Variants in ZNF140 observed in about 807,000 individuals in gnomAD.
ZNF140 encodes zinc finger protein 140 (clone pHZ-39).
In ZNF140, 13 loss-of-function variants were observed where a neutral mutation model predicts 12.9. The ratio of observed to expected loss-of-function variants is 1.01; its 90% CI spans 0.66 to 1.60. The LOEUF is 1.60. ZNF140 is among the 40% of genes most tolerant of loss of function. ZNF140 has a pLI of 0.00. For synonymous variants in ZNF140, 214 were observed against 186.7 expected (o/e 1.15, Z -1.19); for missense variants, 531 against 548.8 (o/e 0.97, Z 0.32).
chr12:133,096,583 A>G (rs1955138031), intron 4 of ZNF140, among the ~76,000 whole-genome samples: 1 of 152,198 alleles, frequency 6.6e-6, no homozygotes, highest in South Asian at 2.1e-4. Flanking sequence ...TTGTATTTTC[A>G]TTTTCATTTA....
intron 4 of ZNF140, among the ~76,000 whole-genome samples, chr12:133,096,196 T>C (rs1266892595): frequency 3.3e-4 from 50 of 152,074 alleles, no homozygotes; most frequent in African/African-American, 1.1e-3. Context: ...CCTGGTTTAT[T>C]GAGACTAGAG....
At chr12:133,101,073 ACTT>A (rs1476782658) in intron 4 of ZNF140, 3 of 399,466 alleles carry the variant, frequency 7.5e-6, no homozygotes, top group African/African-American at 2.1e-5. Flanking sequence ...TTTTCCTTTG[ACTT>A]CTTTTTTCTT....
intron 4 of ZNF140, among the ~76,000 whole-genome samples, chr12:133,100,011 G>A (rs886814118): frequency 1.3e-5 from 2 of 151,018 alleles, no homozygotes; most frequent in Admixed American, 6.6e-5. Context: ...GAGAAGATCT[G>A]ATGTACGGTA....
chr12:133,097,697 A>G (rs938504655), intron 4 of ZNF140, among the ~76,000 whole-genome samples: 1 of 151,818 alleles, frequency 6.6e-6, no homozygotes, highest in Non-Finnish European at 1.5e-5. Context: ...CCCATTTCCC[A>G]GGATAGAGTG....
chr12:133,081,097 C>A (rs1229487415), intron 1 of ZNF140, 25 bp downstream of exon 1: 1 of 253,428 alleles, frequency 3.9e-6, no homozygotes, highest in Non-Finnish European at 8.1e-6. Flanking sequence ...GGGAGGCGCG[C>A]CGTGGCAGGA....
At position 133,083,520 on chromosome 12, in the gene ZNF140, C is replaced by G; in HGVS notation, c.191C>G (p.Pro64Arg). Residue 64 changes from proline to arginine, a missense_variant, in exon 4 of 5, where the codon CCC (proline) becomes CGC (arginine). Transcript: ENST00000355557. ...TCCTTATTGGAGCAAGGGAAAGAACCCTGGCTGGGGAAAAGGGAAGTGAAA... is the reference window on the plus strand; with the variant it reads ...TCCTTATTGGAGCAAGGGAAAGAACGCTGGCTGGGGAAAAGGGAAGTGAAA... ...VVSLLEQGKE[P>R]WLGKREVKRD... The G allele has an allele frequency of 6.2e-7, 1 of 1,613,814 alleles. No homozygotes were observed. Among genetic ancestry groups the G allele is most frequent in the Non-Finnish European group, 8.5e-7 (1 of 1,179,894 alleles).
intron 4 of ZNF140, among the ~76,000 whole-genome samples, chr12:133,089,214 T>C (rs1954774356): frequency 6.6e-6 from 1 of 152,020 alleles, no homozygotes; most frequent in Admixed American, 6.6e-5. Context: ...ATTATTCATT[T>C]GATTTTTTTT....
chr12:133,101,030 A>G, intron 4 of ZNF140: 1 of 451,520 alleles, frequency 2.2e-6, no homozygotes. Flanking sequence ...GACTACTGTA[A>G]TTCCCAGCCT....
chr12:133,106,406 A>G lies in ZNF140; in HGVS notation c.1129A>G (p.Lys377Glu). ...TWHASLIQHTKSHTGEKPYAC... is the reference protein window; with the variant it reads ...TWHASLIQHTESHTGEKPYAC... Reference sequence around the variant, plus strand: ...GCATGCATCCCTTATTCAACATACGAAGAGTCACACTGGAGAGAAACCCTA... The same window carrying G: ...GCATGCATCCCTTATTCAACATACGGAGAGTCACACTGGAGAGAAACCCTA... Residue 377 changes from lysine to glutamate, a missense_variant, in exon 5 of 5, where the codon AAG (lysine) becomes GAG (glutamate). By Grantham distance (56) the Lys-to-Glu change is moderately conservative (BLOSUM62 1). Coordinates refer to ENST00000355557, the MANE Select transcript of ZNF140 (RefSeq NM_003440.4). 1 of 1,614,200 alleles carries G rather than the reference A, an allele frequency of 6.2e-7. No homozygotes were observed. The highest frequency in any genetic ancestry group is 8.5e-7 in the Non-Finnish European group (1 of 1,180,028).
At chr12:133,083,865 C>T (rs1477337982) in intron 4 of ZNF140, among the ~76,000 whole-genome samples, 1 of 151,476 alleles carries the variant, frequency 6.6e-6, no homozygotes, top group Non-Finnish European at 1.5e-5. Context: ...GAGGCTGAGG[C>T]AGGAGCATGG....
chr12:133,098,471 C>T (rs1955218329), intron 4 of ZNF140, among the ~76,000 whole-genome samples: 1 of 151,970 alleles, frequency 6.6e-6, no homozygotes, highest in South Asian at 2.1e-4. Context: ...AACTCCTGAC[C>T]TTAAGTAATC....
intron 2 of ZNF140, 118 bp from the exon 3 acceptor site, chr12:133,082,985 C>G: frequency 6.8e-7 from 1 of 1,473,508 alleles, no homozygotes; most frequent in East Asian, 2.3e-5. Flanking sequence ...TCTGAAAACT[C>G]TCACTGTTAC....
intron 4 of ZNF140, among the ~76,000 whole-genome samples, chr12:133,091,079 T>G (rs1434496675): frequency 6.7e-6 from 1 of 149,228 alleles, no homozygotes; most frequent in Non-Finnish European, 1.5e-5. Context: ...GAGGCTTTCC[T>G]CTTTTACTCA....
At chr12:133,081,146 A>T (rs1267529465) in intron 1 of ZNF140, 74 bp downstream of exon 1, 4 of 307,724 alleles carry the variant, frequency 1.3e-5, no homozygotes, top group African/African-American at 8.9e-5. Flanking sequence ...GCGATCTCTC[A>T]GGGCGCCCTG....
At chr12:133,100,160 GTTTTTTT>G (rs58610589) in intron 4 of ZNF140, among the ~76,000 whole-genome samples, 18 of 60,980 alleles carry the variant, frequency 3.0e-4, no homozygotes, top group South Asian at 1.7e-3. Context: ...TGCCTTTTCC[GTTTTTTT>G]TTTTTTTTTT....
chr12:133,084,656 T>C (rs1954615423), intron 4 of ZNF140, among the ~76,000 whole-genome samples: 1 of 152,238 alleles, frequency 6.6e-6, no homozygotes, highest in African/African-American at 2.4e-5. Context: ...CTATAGTTGC[T>C]TCTATAGCAC....
intron 4 of ZNF140, among the ~76,000 whole-genome samples, chr12:133,094,534 T>C (rs1954999388): frequency 6.6e-6 from 1 of 151,102 alleles, no homozygotes; most frequent in African/African-American, 2.5e-5. Flanking sequence ...TTTTTCTGAA[T>C]TACAAACACA....
intron 3 of ZNF140, 44 bp downstream of exon 3, chr12:133,083,273 T>TAGGGTGGCTGTTATAATTATC: frequency 2.5e-6 from 4 of 1,588,578 alleles, no homozygotes; most frequent in Non-Finnish European, 3.4e-6. Flanking sequence ...ATTTGACCGT[T>TAGGGTGGCTGTTATAATTATC]AGGGTGGCTG....
Position 133,105,579 on chromosome 12 carries a change from A to G in ZNF140, c.302A>G (p.Tyr101Cys). 4 of 1,614,120 alleles carry G rather than the reference A, an allele frequency of 2.5e-6. No individual in the cohort carries two copies. Among genetic ancestry groups the G allele is most frequent in the Non-Finnish European group, 3.4e-6 (4 of 1,180,020 alleles). Residue 101 changes from tyrosine (Y) to cysteine (C), a missense_variant, in exon 5 of 5, where the codon TAT (tyrosine) becomes TGT (cysteine). Physicochemically the swap from Tyr to Cys is radical, Grantham distance 194 (BLOSUM62 -2). Transcript: ENST00000355557. ...KNVIYDDSSQ[Y>C]LIMERILSQG... ...GTCATTTATGATGACTCATCCCAGT[A>G]TTTGATCATGGAAAGAATTCTAAGT...
Sources: gnomAD v4.1 joint callset for allele counts (sites outside exome capture counted in the v4.1 genomes callset) on GRCh38, gnomAD v4.1.1 for gene constraint, MANE v1.5 for transcripts, NCBI Gene and HGNC (gene_info 2026-07-23, HGNC 2026-07-21) for gene names.